C2CD2: variants seen among roughly 807,000 people sequenced by gnomAD.
C2CD2 encodes C2 domain-containing protein 2.
Under a neutral mutation model 74.3 loss-of-function variants are expected in C2CD2, and 43 were observed. The ratio of observed to expected loss-of-function variants is 0.58; its 90% CI spans 0.45 to 0.75. The LOEUF (loss-of-function observed/expected upper bound fraction) is 0.75, where lower values mean the gene tolerates loss of function less well. C2CD2 is among the 30% of genes least tolerant of loss of function. The pLI is 0.00. For synonymous variants in C2CD2, 422 were observed against 390.7 expected (o/e 1.08, Z -0.94); for missense variants, 801 against 916.3 (o/e 0.87, Z 1.63).
chr21:41,916,664 TACACAC>T (rs10580778), intron 5 of C2CD2, among the ~76,000 whole-genome samples: 52,191 of 144,494 alleles, frequency 0.36, 10,234 homozygotes, highest in Non-Finnish European at 0.46. Flanking sequence ...GTGAGCTGAT[TACACAC>T]ACACACACAC....
At chr21:41,904,924 A>G (rs1037642609) in intron 11 of C2CD2, among the ~76,000 whole-genome samples, 32 of 68,220 alleles carry the variant, frequency 4.7e-4, no homozygotes, top group African/African-American at 3.3e-3. Context: ...TCAGTAAGAC[A>G]TCTCTTCAAA....
chr21:41,940,132 A>G (rs1368521773), intron 2 of C2CD2, among the ~76,000 whole-genome samples: 2 of 152,178 alleles, frequency 1.3e-5, no homozygotes, highest in Non-Finnish European at 2.9e-5. Context: ...AAGATCTGAT[A>G]CCCGAAACAC....
rs147948193 is a variant in C2CD2 at position 41,924,946 on chromosome 21, T to C, written c.379-2861A>G. Among the ~76,000 whole-genome samples the C allele has an allele frequency of 6.6e-6, 1 of 152,254 alleles. No individual in the cohort carries two copies. Among genetic ancestry groups the C allele is most frequent in the East Asian group, 1.9e-4 (1 of 5,184 alleles). On this transcript the variant is annotated intron_variant, in intron 2 of 13. Coordinates refer to ENST00000380486, the MANE Select transcript of C2CD2 (RefSeq NM_015500.2). The surrounding 1 kb of genome is among the most constrained non-coding windows in gnomAD (Gnocchi z 4.4). ...GCAAGCAAATAAATAAGTAAATAGA[T>C]AAAAAGACTTTAAAACTTCTAGAAT...
intron 2 of C2CD2, among the ~76,000 whole-genome samples, chr21:41,936,193 C>T (rs1399869219): frequency 6.6e-6 from 1 of 152,128 alleles, no homozygotes; most frequent in Non-Finnish European, 1.5e-5. Flanking sequence ...TATTTACAAG[C>T]CATTTATCTG....
chr21:41,914,213 C>T (rs1009868271), intron 6 of C2CD2, among the ~76,000 whole-genome samples: 37 of 149,134 alleles, frequency 2.5e-4, no homozygotes, highest in South Asian at 4.2e-4. Flanking sequence ...GCAACAAGAG[C>T]GAAACTCCAT....
intron 4 of C2CD2, 87 bp downstream of exon 4, chr21:41,918,769 C>G: frequency 9.9e-7 from 1 of 1,010,990 alleles, no homozygotes; most frequent in Non-Finnish European, 1.5e-6. Flanking sequence ...GCAACACCAG[C>G]CATGCACTCA....
Position 41,929,573 on chromosome 21 carries a change from G to A in C2CD2, c.379-7488C>T, listed in dbSNP as rs1340188954. Among the ~76,000 whole-genome samples the A allele has an allele frequency of 1.3e-5, 2 of 152,176 alleles. No homozygotes were observed. Among genetic ancestry groups the A allele is most frequent in the Non-Finnish European group, 1.5e-5 (1 of 68,016 alleles). The stretch of plus-strand genomic sequence containing the variant: ...AGATGGGCCTTTCCCCAGACTAGGT[G>A]GGTTATAACTTTTATTTAAAACTTT... On this transcript the variant is annotated intron_variant, in intron 2 of 13. Coordinates refer to ENST00000380486, the MANE Select transcript of C2CD2 (RefSeq NM_015500.2). The surrounding 1 kb of genome is among the most constrained non-coding windows in gnomAD (Gnocchi z 4.6).
chr21:41,896,824 A>T (rs2064829411), intron 13 of C2CD2, among the ~76,000 whole-genome samples: 1 of 152,174 alleles, frequency 6.6e-6, no homozygotes, highest in Non-Finnish European at 1.5e-5. Flanking sequence ...ATAACACAGA[A>T]TCGTCTCAGA....
In C2CD2 at chr21:41,895,232, C is replaced by A. The variant is rs993524314; in HGVS notation, c.1870+3821G>T. Among the ~76,000 whole-genome samples, 1 of 152,196 alleles carries A rather than the reference C, an allele frequency of 6.6e-6. No individual in the cohort carries two copies. Among genetic ancestry groups the A allele is most frequent in the African/African-American group, 2.4e-5 (1 of 41,442 alleles). On this transcript the variant is annotated intron_variant, in intron 13 of 13. Coordinates refer to ENST00000380486, the MANE Select transcript of C2CD2 (RefSeq NM_015500.2). The surrounding 1 kb of genome is among the most constrained non-coding windows in gnomAD (Gnocchi z 5.0). ...GGTCTCTGGCCTGCTGCCTGCCCTG[C>A]GGATTTCAGACCTGTCAATCTCATG...
intron 2 of C2CD2, among the ~76,000 whole-genome samples, chr21:41,932,661 T>C (rs988089339): frequency 1.3e-5 from 2 of 150,578 alleles, no homozygotes; most frequent in Admixed American, 6.6e-5. Flanking sequence ...CAAAGTGTTG[T>C]GAGTAAACAT....
chr21:41,953,716 C>A lies in C2CD2; in HGVS notation c.-68G>T. On this transcript the variant is annotated 5_prime_UTR_variant, in exon 1 of 14. Transcript: ENST00000380486. ...CCGGGCCGGAACGGCGGACTCAGGACACGCGCTGGCTGCGGCCACAGCGCG... is the reference window on the plus strand; with the variant it reads ...CCGGGCCGGAACGGCGGACTCAGGAAACGCGCTGGCTGCGGCCACAGCGCG... The A allele has an allele frequency of 7.9e-7, 1 of 1,262,678 alleles. No individual in the cohort carries two copies. The highest frequency in any genetic ancestry group is 2.7e-5 in the South Asian group (1 of 37,340). The allele number at this position is 1,262,678 out of a possible 1,614,324, so 78.2% of individuals were successfully genotyped here.
At chr21:41,902,069 C>T (rs1317817249) in intron 11 of C2CD2, among the ~76,000 whole-genome samples, 1 of 152,190 alleles carries the variant, frequency 6.6e-6, no homozygotes, top group African/African-American at 2.4e-5. Flanking sequence ...CCCTGGTCTA[C>T]AGCTTGATTC....
chr21:41,901,841 T>C, intron 11 of C2CD2, 92 bp from the exon 12 acceptor site: 1 of 1,153,924 alleles, frequency 8.7e-7, no homozygotes. Flanking sequence ...CGATAAGCAA[T>C]GGTTAGCAGA....
In C2CD2 at chr21:41,923,428, G is replaced by A. The variant is rs2146202071; in HGVS notation, c.379-1343C>T. On this transcript the variant is annotated intron_variant, in intron 2 of 13. Transcript: ENST00000380486. This position sits in a 1 kb window ranked among gnomAD's most constrained non-coding sequence, Gnocchi z 5.8. ...TCTTTTGCTAAAAATGAGTCTTAAA[G>A]AGAAAGTAAGTTATAGATGTTAGAA... Among the ~76,000 whole-genome samples, 1 of 152,248 alleles carries A rather than the reference G, an allele frequency of 6.6e-6. No individual in the cohort carries two copies. The highest frequency in any genetic ancestry group is 1.5e-5 in the Non-Finnish European group (1 of 68,028).
chr21:41,918,224 G>C lies in C2CD2; in HGVS notation c.601C>G (p.Gln201Glu), dbSNP rs766574208. 6.2e-7 allele frequency: 1 copy of C among 1,614,044 alleles called. No homozygotes were observed. The highest frequency in any genetic ancestry group is 8.5e-7 in the Non-Finnish European group (1 of 1,179,966). Residue 201 changes from glutamine to glutamate, a missense_variant, in exon 5 of 14, where the codon CAG (glutamine) becomes GAG (glutamate). Coordinates refer to ENST00000380486, the MANE Select transcript of C2CD2 (RefSeq NM_015500.2). ...GACATCGCACTTGTCTCAGCCACCTGGTCCTGGTGAAAGAGGAGAAAGTTG... is the reference window on the plus strand; with the variant it reads ...GACATCGCACTTGTCTCAGCCACCTCGTCCTGGTGAAAGAGGAGAAAGTTG... Reference protein sequence around the residue: ...NIQPKALGEDQVAETSAMSDV... With the variant: ...NIQPKALGEDEVAETSAMSDV...
chr21:41,947,143 TCCCTCC>T (rs2065406830), intron 1 of C2CD2, among the ~76,000 whole-genome samples: 1 of 128,612 alleles, frequency 7.8e-6, no homozygotes, highest in Non-Finnish European at 1.7e-5. Flanking sequence ...TCTCTCTCCC[TCCCTCC>T]CTCCCTCCCT....
In C2CD2 at chr21:41,903,048, A is replaced by C. The variant is rs1203488062; in HGVS notation, c.1433-1299T>G. The stretch of plus-strand genomic sequence containing the variant: ...ATCATGCCTACATACCTACTTATAG[A>C]AGCACCATAAACCCCCTAAATGACA... On this transcript the variant is annotated intron_variant, in intron 11 of 13. Transcript: ENST00000380486. The surrounding 1 kb of genome is among the most constrained non-coding windows in gnomAD (Gnocchi z 4.5). Among the ~76,000 whole-genome samples, 1 of 152,136 alleles carries C rather than the reference A, an allele frequency of 6.6e-6. No homozygotes were observed. The highest frequency in any genetic ancestry group is 6.6e-5 in the Admixed American group (1 of 15,266).
intron 1 of C2CD2, among the ~76,000 whole-genome samples, chr21:41,947,253 G>C (rs2065409049): frequency 6.6e-6 from 1 of 150,522 alleles, no homozygotes; most frequent in African/African-American, 2.4e-5. Flanking sequence ...TGCCTCCTGG[G>C]TTCAAGCAAT....
At chr21:41,918,750 A>C in intron 4 of C2CD2, 106 bp downstream of exon 4, 1 of 844,126 alleles carries the variant, frequency 1.2e-6, no homozygotes, top group Non-Finnish European at 1.9e-6. Context: ...GGGACAGGGA[A>C]GGAGGCCAGC....
Sources: allele counts gnomAD v4.1 joint callset (sites outside exome capture counted in the v4.1 genomes callset), GRCh38; gene constraint gnomAD v4.1.1; non-coding constraint Gnocchi (gnomAD v3.1); transcripts MANE v1.5; gene names NCBI Gene and HGNC (gene_info 2026-07-23, HGNC 2026-07-21).